The following NAV3 variants were observed in gnomAD, a reference collection of about 807,000 sequenced individuals.
NAV3 encodes the protein neuron navigator 3.
NAV3 carries 87 observed loss-of-function variants against 244.7 expected under a neutral mutation model. The ratio of observed to expected loss-of-function variants is 0.36; its 90% CI spans 0.30 to 0.42. The LOEUF (loss-of-function observed/expected upper bound fraction) is 0.42, where lower values mean the gene tolerates loss of function less well. NAV3 is among the 20% of genes least tolerant of loss of function. The probability of loss-of-function intolerance (pLI) is 1.00; values close to 1 mark genes in which losing one functional copy is unlikely to be tolerated. For missense variants in NAV3, 2,663 were observed against 2,893.3 expected, an observed-to-expected ratio of 0.92 and a Z score of 1.83; for synonymous variants, 1,126 against 1,042.2, an observed-to-expected ratio of 1.08 and a Z score of -1.55.
chr12:77,964,111 G>T lies in NAV3; in HGVS notation c.415-2118G>T, dbSNP rs116053827. 8.7e-3 allele frequency among the ~76,000 whole-genome samples: 1,298 copies of T among 149,554 alleles called. 18 individuals are homozygous for T. Among genetic ancestry groups the T allele is most frequent in the African/African-American group, 0.031 (1,240 of 40,540 alleles). ...TCTCTTTTGCATTCCCCTTCTGATT[G>T]TGGTGCAAGTTGAGAGAGAGAGTTG... On this transcript the variant is annotated intron_variant, in intron 3 of 39. Coordinates refer to ENST00000397909, the MANE Select transcript of NAV3 (RefSeq NM_001024383.2).
At chr12:77,891,894 T>A (rs1883983068) in intron 1 of NAV3, among the ~76,000 whole-genome samples, 1 of 152,184 alleles carries the variant, frequency 6.6e-6, no homozygotes, top group African/African-American at 2.4e-5. Context: ...CTTCATTCTC[T>A]CCCTTCTTTG....
intron 5 of NAV3, among the ~76,000 whole-genome samples, chr12:77,974,618 T>G (rs1213960395): frequency 6.6e-6 from 1 of 152,076 alleles, no homozygotes. Context: ...TATTCTTGGA[T>G]GTATTTTATG....
intron 9 of NAV3, among the ~76,000 whole-genome samples, chr12:78,033,346 G>A (rs1340897580): frequency 1.3e-5 from 2 of 151,848 alleles, no homozygotes; most frequent in African/African-American, 2.4e-5. Flanking sequence ...TTACTAAAGA[G>A]CTGAAAAGCA....
chr12:77,736,526 C>T lies in NAV3; in HGVS notation c.72+164260C>T, dbSNP rs548390434. On this transcript the variant is annotated intron_variant, in intron 2 of 8. Transcript: ENST00000550042. ...CAGCATGGCTTCTCTCTTTGCCCTG[C>T]GATGTAATCCCAAAGCCTCTTCTTT... 4.9e-4 allele frequency among the ~76,000 whole-genome samples: 74 copies of T among 152,190 alleles called. No individual in the cohort carries two copies. In the Middle Eastern group the frequency reaches 0.017, roughly 35 times the overall value.
chr12:78,000,925 C>T (rs2136474196), intron 7 of NAV3, among the ~76,000 whole-genome samples: 1 of 150,328 alleles, frequency 6.7e-6, no homozygotes, highest in East Asian at 2.0e-4. Flanking sequence ...TTGCAGTGAG[C>T]CAAGATCGCG....
intron 3 of NAV3, among the ~76,000 whole-genome samples, chr12:77,957,734 G>A (rs568408322): frequency 2.3e-4 from 35 of 151,814 alleles, no homozygotes; most frequent in African/African-American, 7.3e-4. Flanking sequence ...GGGTGATCTC[G>A]GCTCGCTGCA....
At chr12:78,081,025 G>A (rs1953320149) in intron 12 of NAV3, among the ~76,000 whole-genome samples, 1 of 152,162 alleles carries the variant, frequency 6.6e-6, no homozygotes, top group African/African-American at 2.4e-5. Flanking sequence ...GGTATGAACA[G>A]GAAAGGCATA....
intron 26 of NAV3, 52 bp downstream of exon 26, chr12:78,176,511 T>A: frequency 6.3e-7 from 1 of 1,576,778 alleles, no homozygotes. Context: ...AAACCCTACC[T>A]TGGCATGAAT....
intron 5 of NAV3, among the ~76,000 whole-genome samples, chr12:77,977,710 G>GTGCACACACACACA (rs1555248324): frequency 1.2e-5 from 1 of 86,116 alleles, no homozygotes; most frequent in African/African-American, 3.6e-5. Context: ...ACACACACAC[G>GTGCACACACACACA]CGCACACACA....
intron 2 of NAV3, among the ~76,000 whole-genome samples, chr12:77,794,289 G>A (rs1396849344): frequency 6.6e-6 from 1 of 152,112 alleles, no homozygotes; most frequent in Non-Finnish European, 1.5e-5. Context: ...CTGAATTTGA[G>A]GTCAGAAATC....
Position 77,817,135 on chromosome 12 carries a change from C to A in NAV3, c.73-123184C>A, listed in dbSNP as rs1169379511. On this transcript the variant is annotated intron_variant, in intron 2 of 8. Coordinates refer to the NAV3 transcript ENST00000550042. Reference sequence around the variant, plus strand: ...ACCTTTAATCCTTACTTACTGCATACACTTTGGTGATCACTTTATGGAAGG... The same window carrying A: ...ACCTTTAATCCTTACTTACTGCATAAACTTTGGTGATCACTTTATGGAAGG... Among the ~76,000 whole-genome samples the A allele has an allele frequency of 5.3e-5, 8 of 152,244 alleles. No individual in the cohort carries two copies. In the East Asian group the frequency reaches 1.5e-3, roughly 29 times the overall value.
intron 3 of NAV3, among the ~76,000 whole-genome samples, chr12:77,955,202 T>A (rs1260728892): frequency 6.6e-6 from 1 of 152,172 alleles, no homozygotes; most frequent in African/African-American, 2.4e-5. Flanking sequence ...AAGATTTAAA[T>A]GAGAGTCAAT....
intron 3 of NAV3, among the ~76,000 whole-genome samples, chr12:77,963,544 T>C (rs1892220885): frequency 6.6e-6 from 1 of 152,132 alleles, no homozygotes; most frequent in African/African-American, 2.4e-5. Flanking sequence ...TGTGAGAAAA[T>C]AAATTTTGGT....
intron 1 of NAV3, among the ~76,000 whole-genome samples, chr12:77,854,186 A>T (rs1182636976): frequency 1.3e-5 from 2 of 152,334 alleles, no homozygotes; most frequent in East Asian, 1.9e-4. Flanking sequence ...TAACATTAAG[A>T]TTAAAAATTA....
intron 2 of NAV3, among the ~76,000 whole-genome samples, chr12:77,710,755 A>G (rs751904549): frequency 1.2e-4 from 19 of 152,184 alleles, no homozygotes; most frequent in Non-Finnish European, 2.2e-4. Context: ...TTCTGACATA[A>G]TAGAAAAATG....
chr12:78,182,488 A>G (rs1172047998), intron 30 of NAV3, among the ~76,000 whole-genome samples: 2 of 152,012 alleles, frequency 1.3e-5, no homozygotes, highest in Non-Finnish European at 2.9e-5. Flanking sequence ...GTTTTATTTT[A>G]TGAAAATATG....
intron 2 of NAV3, among the ~76,000 whole-genome samples, chr12:77,645,343 C>G (rs1258808574): frequency 1.3e-5 from 2 of 151,368 alleles, no homozygotes; most frequent in African/African-American, 4.9e-5. Flanking sequence ...AACTTTAACT[C>G]TGTTTCAAAT....
intron 5 of NAV3, among the ~76,000 whole-genome samples, chr12:77,989,678 G>A (rs117634596): frequency 6.6e-6 from 1 of 152,058 alleles, no homozygotes; most frequent in Non-Finnish European, 1.5e-5. Flanking sequence ...AAGACCAGTG[G>A]GTTAATTGGT....
chr12:77,578,806 T>G (rs1336886886), intron 2 of NAV3, among the ~76,000 whole-genome samples: 3 of 152,022 alleles, frequency 2.0e-5, no homozygotes, highest in Non-Finnish European at 4.4e-5. Flanking sequence ...TCACGCCCTC[T>G]CCATTGTTGA....
Sources: gnomAD v4.1 joint callset for allele counts (sites outside exome capture counted in the v4.1 genomes callset) on GRCh38, gnomAD v4.1.1 for gene constraint, MANE v1.5 for transcripts, NCBI Gene and HGNC (gene_info 2026-07-23, HGNC 2026-07-21) for gene names.